PPP2R2B: variants seen among roughly 807,000 people sequenced by gnomAD.
PPP2R2B encodes the protein protein phosphatase 2 regulatory subunit Bbeta.
In PPP2R2B, 5 loss-of-function variants were observed where a neutral mutation model predicts 46.0. The observed-to-expected ratio is 0.11, with a 90% CI of 0.06 to 0.23. PPP2R2B has a LOEUF of 0.23. Among genes scored for constraint, PPP2R2B ranks in the 10% least tolerant of loss-of-function variants. The probability of loss-of-function intolerance (pLI) is 1.00; values close to 1 mark genes in which losing one functional copy is unlikely to be tolerated. For synonymous variants in PPP2R2B, 215 were observed against 206.7 expected (o/e 1.04, Z -0.34); for missense variants, 367 against 575.0 (o/e 0.64, Z 3.70).
At chr5:146,766,626 A>G (rs1561889730) in intron 2 of PPP2R2B, among the ~76,000 whole-genome samples, 1 of 152,192 alleles carries the variant, frequency 6.6e-6, no homozygotes, top group African/African-American at 2.4e-5. Flanking sequence ...GATTTCTATT[A>G]TTTATACTTT....
chr5:146,912,979 C>T (rs1404751153), intron 1 of PPP2R2B, among the ~76,000 whole-genome samples: 1 of 152,116 alleles, frequency 6.6e-6, no homozygotes, highest in Non-Finnish European at 1.5e-5. Context: ...GAAACTCTCA[C>T]CTAACTTGCA....
At chr5:147,011,323 C>A (rs1437094339) in intron 1 of PPP2R2B, among the ~76,000 whole-genome samples, 1 of 152,044 alleles carries the variant, frequency 6.6e-6, no homozygotes, top group African/African-American at 2.4e-5. Flanking sequence ...TACATAGGAG[C>A]TTTCCATTTT....
At chr5:146,979,699 T>C (rs1399787538) in intron 1 of PPP2R2B, among the ~76,000 whole-genome samples, 1 of 152,116 alleles carries the variant, frequency 6.6e-6, no homozygotes, top group Non-Finnish European at 1.5e-5. Flanking sequence ...ACAAATGTAA[T>C]GTTTTACCTC....
intron 2 of PPP2R2B, among the ~76,000 whole-genome samples, chr5:146,799,350 T>A (rs531637612): frequency 1.3e-5 from 2 of 152,164 alleles, no homozygotes; most frequent in East Asian, 3.9e-4. Context: ...CTCTATTTAC[T>A]TTTGGTTAAA....
At chr5:146,768,471 C>T (rs768634266) in intron 2 of PPP2R2B, among the ~76,000 whole-genome samples, 1 of 152,166 alleles carries the variant, frequency 6.6e-6, no homozygotes, top group African/African-American at 2.4e-5. Context: ...CACTGTCACT[C>T]CCCAGCTCAG....
At chr5:146,744,876 A>G (rs923100004) in intron 2 of PPP2R2B, among the ~76,000 whole-genome samples, 4 of 152,156 alleles carry the variant, frequency 2.6e-5, no homozygotes, top group African/African-American at 9.7e-5. Context: ...AGAACTTTCA[A>G]ATGCATTGCT....
At chr5:146,769,986 G>A (rs914424141) in intron 2 of PPP2R2B, among the ~76,000 whole-genome samples, 1 of 152,064 alleles carries the variant, frequency 6.6e-6, no homozygotes, top group Non-Finnish European at 1.5e-5. Flanking sequence ...ATGTTTGTCA[G>A]CATTATTTAT....
intron 2 of PPP2R2B, among the ~76,000 whole-genome samples, chr5:146,837,280 G>C (rs1328073979): frequency 1.3e-5 from 2 of 152,204 alleles, no homozygotes; most frequent in African/African-American, 4.8e-5. Context: ...ATGAGTTGTA[G>C]TTTAATGTAA....
At position 146,937,621 on chromosome 5, in the gene PPP2R2B, G is replaced by A. The variant is rs76328257; in HGVS notation, c.79+118044C>T. On this transcript the variant is annotated intron_variant, in intron 1 of 8. Coordinates refer to the PPP2R2B transcript ENST00000336640. ...AGATTTGAAGGCTGAGCAGGGGTTG[G>A]CCATGTAAAAGCGTGAGGAAAGGAG... Among the ~76,000 whole-genome samples the A allele has an allele frequency of 5.3e-5, 8 of 152,206 alleles. No individual in the cohort carries two copies. In the East Asian group the frequency reaches 1.5e-3, roughly 29 times the overall value.
intron 1 of PPP2R2B, among the ~76,000 whole-genome samples, chr5:146,936,303 C>T (rs1764137159): frequency 6.6e-6 from 1 of 152,082 alleles, no homozygotes. Flanking sequence ...TCCATTATTA[C>T]ACTTTGTCCT....
chr5:146,764,876 A>G (rs1052533637), intron 2 of PPP2R2B, among the ~76,000 whole-genome samples: 1 of 152,044 alleles, frequency 6.6e-6, no homozygotes, highest in African/African-American at 2.4e-5. Context: ...CCCCATCTAA[A>G]CCATCCTAGT....
chr5:146,725,048 G>A (rs1751772616), intron 2 of PPP2R2B, among the ~76,000 whole-genome samples: 1 of 152,020 alleles, frequency 6.6e-6, no homozygotes, highest in South Asian at 2.1e-4. Context: ...CTATTAATGC[G>A]ATCAATAATT....
intron 1 of PPP2R2B, among the ~76,000 whole-genome samples, chr5:146,956,699 A>G (rs1194554362): frequency 2.0e-5 from 3 of 152,182 alleles, no homozygotes; most frequent in Non-Finnish European, 2.9e-5. Context: ...ATAACAAAGT[A>G]CCATAGACTG....
chr5:146,703,872 C>A (rs1779684053), intron 2 of PPP2R2B, among the ~76,000 whole-genome samples: 1 of 152,174 alleles, frequency 6.6e-6, no homozygotes, highest in Admixed American at 6.5e-5. Context: ...CCTCAAGAAC[C>A]TTGTAAGAGA....
intron 1 of PPP2R2B, among the ~76,000 whole-genome samples, chr5:146,959,029 G>T (rs1752052221): frequency 6.6e-6 from 1 of 152,130 alleles, no homozygotes; most frequent in African/African-American, 2.4e-5. Flanking sequence ...TTCTTACATA[G>T]TAGCCTTAAT....
At chr5:146,864,709 T>C (rs1272954680) in intron 2 of PPP2R2B, among the ~76,000 whole-genome samples, 1 of 152,188 alleles carries the variant, frequency 6.6e-6, no homozygotes, top group African/African-American at 2.4e-5. Context: ...GCCTCTCCTC[T>C]CAGAAAGGGT....
chr5:146,686,836 A>G (rs1000690300), intron 5 of PPP2R2B, among the ~76,000 whole-genome samples: 13 of 152,186 alleles, frequency 8.5e-5, no homozygotes, highest in Admixed American at 6.5e-4. Flanking sequence ...AGGCTGATTA[A>G]GTCACTTTAA....
intron 2 of PPP2R2B, among the ~76,000 whole-genome samples, chr5:147,079,053 A>G (rs1314528952): frequency 2.6e-5 from 4 of 152,046 alleles, no homozygotes; most frequent in Admixed American, 2.0e-4. Flanking sequence ...CATGTAGAAG[A>G]CACTCAAAAA....
In PPP2R2B at chr5:146,819,500, C is replaced by T. The variant is rs192047628; in HGVS notation, c.70+58502G>A. Among the ~76,000 whole-genome samples the T allele has an allele frequency of 1.0e-3, 157 of 152,264 alleles. No individual in the cohort carries two copies. In the East Asian group the frequency reaches 0.017, roughly 16 times the overall value. On this transcript the variant is annotated intron_variant, in intron 2 of 9. Coordinates refer to ENST00000394411, the MANE Select transcript of PPP2R2B (RefSeq NM_181675.4). ...GAATGTGGAGATGGCAAAGTGTCAACTCCTGACCTTCCTAACAAAAGAATA... is the reference window on the plus strand; with the variant it reads ...GAATGTGGAGATGGCAAAGTGTCAATTCCTGACCTTCCTAACAAAAGAATA...
Sources: gnomAD v4.1 joint callset for allele counts (sites outside exome capture counted in the v4.1 genomes callset) on GRCh38, gnomAD v4.1.1 for gene constraint, MANE v1.5 for transcripts, NCBI Gene and HGNC (gene_info 2026-07-23, HGNC 2026-07-21) for gene names.